Variants in TMEM242 observed in about 807,000 individuals in gnomAD.
The protein encoded by TMEM242 is UPF0463 transmembrane protein C6orf35.
A neutral mutation model predicts 18.2 loss-of-function variants in TMEM242; 10 were observed. The ratio of observed to expected loss-of-function variants is 0.55; its 90% CI spans 0.34 to 0.93. TMEM242 has a LOEUF of 0.93. TMEM242 is among the 40% of genes least tolerant of loss of function. The pLI, the probability that TMEM242 is intolerant of heterozygous loss-of-function variation, is 0.02. For missense variants in TMEM242, 186 were observed against 175.5 expected (o/e 1.06, Z -0.34); for synonymous variants, 57 against 69.9 (o/e 0.81, Z 0.92).
chr6:157,300,023 T>A, intron 3 of TMEM242: 3 of 1,043,262 alleles, frequency 2.9e-6, no homozygotes, highest in Non-Finnish European at 4.5e-6. Context: ...CCAGGCGCCC[T>A]TGAGCGGCAT....
intron 3 of TMEM242, among the ~76,000 whole-genome samples, chr6:157,303,376 A>T (rs1777856736): frequency 6.6e-6 from 1 of 152,240 alleles, no homozygotes; most frequent in Non-Finnish European, 1.5e-5. Context: ...CCACTGGGGC[A>T]TCTTTAGAAA....
At chr6:157,322,979 A>G (rs1002876317) in intron 1 of TMEM242, among the ~76,000 whole-genome samples, 174 bp from the exon 2 acceptor site, 2 of 152,230 alleles carry the variant, frequency 1.3e-5, no homozygotes, top group Admixed American at 6.5e-5. Context: ...ACAGCGGCTG[A>G]GAAACACGCG....
chr6:157,309,970 G>C (rs1777973155), intron 3 of TMEM242, among the ~76,000 whole-genome samples: 1 of 152,048 alleles, frequency 6.6e-6, no homozygotes, highest in Non-Finnish European at 1.5e-5. Context: ...AGTCCTTTGA[G>C]ATAACCACCT....
chr6:157,314,052 C>T lies in TMEM242; in HGVS notation c.327+4730G>A, dbSNP rs587666781. 2.9e-4 allele frequency among the ~76,000 whole-genome samples: 10 copies of T among 34,762 alleles called. No individual in the cohort carries two copies. The South Asian group carries it at 6.4e-3, about 22-fold the overall frequency. 22.8% of individuals were successfully genotyped at this position (34,762 alleles called of 152,430 possible). A position where few individuals can be genotyped will look rare whatever the true frequency, so the allele number is the denominator to read the frequency against. On this transcript the variant is annotated intron_variant, in intron 3 of 3. Coordinates refer to ENST00000400788, the MANE Select transcript of TMEM242 (RefSeq NM_018452.6). Reference sequence around the variant, plus strand: ...CACTCACCCGGCCTCGTCATAGTGCCGCAGTGTGCGCTCACCCGGCCTCAT... The same window carrying T: ...CACTCACCCGGCCTCGTCATAGTGCTGCAGTGTGCGCTCACCCGGCCTCAT...
At chr6:157,299,939 G>C (rs1340234531) in intron 3 of TMEM242, 4 of 1,602,494 alleles carry the variant, frequency 2.5e-6, no homozygotes, top group Admixed American at 1.7e-5. Context: ...TCCTATGATG[G>C]AGACCTTACT....
At chr6:157,317,232 C>A (rs1554250420) in intron 3 of TMEM242, among the ~76,000 whole-genome samples, 1 of 152,178 alleles carries the variant, frequency 6.6e-6, no homozygotes, top group Non-Finnish European at 1.5e-5. Context: ...GATATACTGC[C>A]TCTGATTCTC....
intron 3 of TMEM242, among the ~76,000 whole-genome samples, chr6:157,313,078 GCA>G (rs1778241069): frequency 1.4e-5 from 1 of 69,522 alleles, no homozygotes; most frequent in Non-Finnish European, 2.9e-5. Flanking sequence ...GTCCCAGTAT[GCA>G]CTCACCTGGC....
At chr6:157,310,440 G>C (rs1777989775) in intron 3 of TMEM242, among the ~76,000 whole-genome samples, 1 of 140,986 alleles carries the variant, frequency 7.1e-6, no homozygotes, top group Non-Finnish European at 1.6e-5. Context: ...GTGTCCCAGT[G>C]TGCACTCACC....
Position 157,318,830 on chromosome 6 carries a change from CCCACA to C in TMEM242, c.274_278del (p.Cys92GlyfsTer5). 1.2e-6 allele frequency: 2 copies of C among 1,614,012 alleles called. No homozygotes were observed. Among genetic ancestry groups the C allele is most frequent in the Non-Finnish European group, 1.7e-6 (2 of 1,179,998 alleles). On this transcript the variant is annotated frameshift_variant, in exon 3 of 4. Coordinates refer to ENST00000400788, the MANE Select transcript of TMEM242 (RefSeq NM_018452.6). LOFTEE classifies it high-confidence loss of function. ...AGACTGCGAAGCTAATCACACCAAC[CCCACA>C]CCATGCATACAGGGAGCCCCAGCCC...
At chr6:157,294,549 A>C (rs1298610355) in intron 3 of TMEM242, among the ~76,000 whole-genome samples, 1 of 150,982 alleles carries the variant, frequency 6.6e-6, no homozygotes, top group Non-Finnish European at 1.5e-5. Flanking sequence ...ACGGGGTTTC[A>C]CCGTTTTAGC....
rs781861715 is a variant in TMEM242, at chr6:157,322,727, T to G, written c.167A>C (p.Lys56Thr). Residue 56 changes from lysine to threonine, a missense_variant, in exon 2 of 4, where the codon AAA (lysine) becomes ACA (threonine). By Grantham distance (78) the Lys-to-Thr change is moderately conservative. Coordinates refer to ENST00000400788, the MANE Select transcript of TMEM242 (RefSeq NM_018452.6). ...FITTLSLAKK[K>T]SPEWFNKGSM... is the part of the protein sequence containing the mutation. ...AACCTTATTGAACCATTCAGGGCTT[T>G]TCTTTTTAGCCAATGATAATGTTGT... The G allele has an allele frequency of 3.1e-6, 5 of 1,613,862 alleles. No individual in the cohort carries two copies. Among genetic ancestry groups the G allele is most frequent in the Non-Finnish European group, 3.4e-6 (4 of 1,179,938 alleles).
At chr6:157,299,887 T>C (rs1394072852) in intron 3 of TMEM242, 18 of 1,612,982 alleles carry the variant, frequency 1.1e-5, no homozygotes, top group African/African-American at 2.7e-5. Flanking sequence ...TCAAGCCTTT[T>C]AATAAGATGC....
chr6:157,313,120 C>A (rs1554249628), intron 3 of TMEM242, among the ~76,000 whole-genome samples: 1 of 132,178 alleles, frequency 7.6e-6, no homozygotes, highest in Non-Finnish European at 1.6e-5. Context: ...GTGTGCTCAC[C>A]CGGCCTCATC....
chr6:157,293,596 C>T (rs1379402916), intron 3 of TMEM242, among the ~76,000 whole-genome samples: 6 of 151,172 alleles, frequency 4.0e-5, no homozygotes, highest in African/African-American at 9.7e-5. Flanking sequence ...TTAGGAGTTT[C>T]GTCAAGAATA....
chr6:157,306,229 G>A (rs1254845797), intron 3 of TMEM242, among the ~76,000 whole-genome samples: 1 of 152,216 alleles, frequency 6.6e-6, no homozygotes, highest in Non-Finnish European at 1.5e-5. Context: ...TAAGTCCAGA[G>A]AAGGTGAAGG....
At chr6:157,298,352 T>C (rs1562378512) in intron 3 of TMEM242, among the ~76,000 whole-genome samples, 1 of 152,368 alleles carries the variant, frequency 6.6e-6, no homozygotes, top group East Asian at 1.9e-4. Context: ...ACAGTAACTA[T>C]ACCACCTCTG....
At chr6:157,300,232 G>A in intron 3 of TMEM242, 1 of 405,374 alleles carries the variant, frequency 2.5e-6, no homozygotes, top group Non-Finnish European at 4.6e-6. Context: ...TCTGTGGCGA[G>A]TGCGCAAGAC....
intron 3 of TMEM242, among the ~76,000 whole-genome samples, chr6:157,313,137 T>C (rs797041453): frequency 0.17 from 355 of 2,150 alleles, no homozygotes; most frequent in Middle Eastern, 0.5. Context: ...CATCATAGTG[T>C]CCCAGTGTGC....
At chr6:157,322,028 TA>T (rs1778504784) in intron 2 of TMEM242, among the ~76,000 whole-genome samples, 1 of 152,216 alleles carries the variant, frequency 6.6e-6, no homozygotes, top group Non-Finnish European at 1.5e-5. Flanking sequence ...TTATTAAAGA[TA>T]AATGTAAGTG....
Sources: gnomAD v4.1 joint callset for allele counts (sites outside exome capture counted in the v4.1 genomes callset) on GRCh38, gnomAD v4.1.1 for gene constraint, MANE v1.5 for transcripts, NCBI Gene and HGNC (gene_info 2026-07-23, HGNC 2026-07-21) for gene names.